The following PEDS1 variants were observed in gnomAD, a reference collection of about 807,000 sequenced individuals.
PEDS1 encodes the protein CarF homolog.
A neutral mutation model predicts 35.2 loss-of-function variants in PEDS1; 14 were observed. That is an observed-to-expected ratio of 0.40 (90% confidence interval 0.26 to 0.62). The LOEUF (loss-of-function observed/expected upper bound fraction) is 0.62, where lower values mean the gene tolerates loss of function less well. Among genes scored for constraint, PEDS1 ranks in the 20% least tolerant of loss-of-function variants. The probability of loss-of-function intolerance (pLI) is 0.44; values close to 1 mark genes in which losing one functional copy is unlikely to be tolerated. For missense variants in PEDS1, 260 were observed against 367.8 expected (o/e 0.71, Z 2.40); for synonymous variants, 152 against 152.0 (o/e 1.00, Z 0.00).
intron 1 of PEDS1, among the ~76,000 whole-genome samples, chr20:50,147,392 G>C (rs2081357145): frequency 6.6e-6 from 1 of 152,192 alleles, no homozygotes; most frequent in Non-Finnish European, 1.5e-5. Context: ...CCTTCCCTGG[G>C]GTCTCACACT....
intron 1 of PEDS1, chr20:50,151,276 T>G: frequency 7.7e-7 from 1 of 1,304,336 alleles, no homozygotes; most frequent in Non-Finnish European, 1.0e-6. Flanking sequence ...GTCTGCAGAC[T>G]CTGATTCAGG....
chr20:50,147,163 G>A (rs2081354892), intron 1 of PEDS1, among the ~76,000 whole-genome samples: 2 of 152,212 alleles, frequency 1.3e-5, no homozygotes, highest in South Asian at 2.1e-4. Context: ...CCTGTCATGC[G>A]CTGGGGTGTG....
chr20:50,127,256 T>C (rs1453622110), intron 5 of PEDS1, among the ~76,000 whole-genome samples: 1 of 151,966 alleles, frequency 6.6e-6, no homozygotes, highest in Non-Finnish European at 1.5e-5. Context: ...TTAGCACCAT[T>C]AGCCACGCTA....
At position 50,153,710 on chromosome 20, in the gene PEDS1, T is replaced by C. The variant is rs1436764318; in HGVS notation, c.-73A>G. Reference sequence around the variant, plus strand: ...GCAGGGCCGCGGAACCGCGGCGAGATCACGCCGCCCAATGACCGCCCAGCG... The same window carrying C: ...GCAGGGCCGCGGAACCGCGGCGAGACCACGCCGCCCAATGACCGCCCAGCG... On this transcript the variant is annotated 5_prime_UTR_variant, in exon 1 of 6. Coordinates refer to ENST00000371652, the MANE Select transcript of PEDS1 (RefSeq NM_199129.4). The C allele has an allele frequency of 7.8e-6, 9 of 1,152,488 alleles. No homozygotes were observed. The highest frequency in any genetic ancestry group is 9.6e-6 in the Non-Finnish European group (9 of 937,966). The allele number at this position is 1,152,488 out of a possible 1,614,324, so 71.4% of individuals were successfully genotyped here. A position where few individuals can be genotyped will look rare whatever the true frequency, so the allele number is the denominator to read the frequency against.
In PEDS1 at chr20:50,129,470, A is replaced by G; in HGVS notation, c.478+76T>C. ...AATACCATAAGGAGCCAAACACATA[A>G]GCCCCAGAAGGCTCCTGGGGGTCGG... is the stretch of plus-strand genomic sequence containing the variant. On this transcript the variant is annotated intron_variant, in intron 4 of 5. Coordinates refer to ENST00000371652, the MANE Select transcript of PEDS1 (RefSeq NM_199129.4). The surrounding 1 kb of genome is among the most constrained non-coding windows in gnomAD (Gnocchi z 4.2). The G allele has an allele frequency of 6.3e-7, 1 of 1,576,746 alleles. No homozygotes were observed. The highest frequency in any genetic ancestry group is 8.6e-7 in the Non-Finnish European group (1 of 1,161,270).
At position 50,121,214 on chromosome 20, in the gene PEDS1, C is replaced by T. The variant is rs978840512; in HGVS notation, c.*3844G>A. ...AGCAGCTGCCCTTTAGGCCTGATGT[C>T]TCCAGGTCATCCCAGTCCCCAGCGT... On this transcript the variant is annotated 3_prime_UTR_variant, in exon 6 of 6. Coordinates refer to ENST00000371652, the MANE Select transcript of PEDS1 (RefSeq NM_199129.4). 1 of 152,244 alleles carries T rather than the reference C, an allele frequency of 6.6e-6. No individual in the cohort carries two copies. The highest frequency in any genetic ancestry group is 1.5e-5 in the Non-Finnish European group (1 of 68,044). 9.4% of individuals were successfully genotyped at this position (152,244 alleles called of 1,614,324 possible).
At chr20:50,130,161 C>T (rs1601211143) in intron 3 of PEDS1, among the ~76,000 whole-genome samples, 1 of 152,212 alleles carries the variant, frequency 6.6e-6, no homozygotes, top group East Asian at 1.9e-4. Flanking sequence ...ATAGCATCTC[C>T]TCCCTCTAGC....
chr20:50,144,328 G>C (rs1166592848), intron 1 of PEDS1, among the ~76,000 whole-genome samples: 2 of 152,074 alleles, frequency 1.3e-5, no homozygotes, highest in Non-Finnish European at 2.9e-5. Context: ...GTCCCCTTTT[G>C]CAGGTAACTA....
At chr20:50,145,795 T>C (rs939962104) in intron 1 of PEDS1, among the ~76,000 whole-genome samples, 2 of 152,188 alleles carry the variant, frequency 1.3e-5, no homozygotes, top group African/African-American at 4.8e-5. Context: ...CAGAAGACCT[T>C]TAATGACAAC....
rs534294929 is a variant in PEDS1, at chr20:50,127,851, G to A, written c.691+124C>T. Reference sequence around the variant, plus strand: ...TAGGTGCTCAATAAATGCATGACCTGAGAGACTGTTCCCAGAGGGCAAGGA... The same window carrying A: ...TAGGTGCTCAATAAATGCATGACCTAAGAGACTGTTCCCAGAGGGCAAGGA... On this transcript the variant is annotated intron_variant, in intron 5 of 5. Coordinates refer to ENST00000371652, the MANE Select transcript of PEDS1 (RefSeq NM_199129.4). The A allele has an allele frequency of 7.1e-4, 959 of 1,342,812 alleles. 1 individual carries two copies. Among genetic ancestry groups the A allele is most frequent in the Non-Finnish European group, 9.4e-4 (922 of 975,944 alleles). The allele number at this position is 1,342,812 out of a possible 1,614,324, so 83.2% of individuals were successfully genotyped here. A position where few individuals can be genotyped will look rare whatever the true frequency, so the allele number is the denominator to read the frequency against.
chr20:50,124,934 T>C lies in PEDS1; in HGVS notation c.*124A>G. 18 of 1,366,188 alleles carry C rather than the reference T, an allele frequency of 1.3e-5. No homozygotes were observed. Among genetic ancestry groups the C allele is most frequent in the Non-Finnish European group, 1.8e-5 (18 of 995,690 alleles). The allele number at this position is 1,366,188 out of a possible 1,614,324, so 84.6% of individuals were successfully genotyped here. ...GTCATGAGGGGTGGGCTGGGGTACC[T>C]GGGCCCAGCCCAGGAGATGTCCTCT... is the stretch of plus-strand genomic sequence containing the variant. On this transcript the variant is annotated 3_prime_UTR_variant, in exon 6 of 6. Coordinates refer to ENST00000371652, the MANE Select transcript of PEDS1 (RefSeq NM_199129.4).
intron 1 of PEDS1, among the ~76,000 whole-genome samples, chr20:50,150,543 T>C (rs1258117745): frequency 6.6e-6 from 1 of 151,950 alleles, no homozygotes; most frequent in Non-Finnish European, 1.5e-5. Flanking sequence ...CACTGCCCCC[T>C]CCCTAAAATG....
At chr20:50,150,892 C>T (rs578206134) in intron 1 of PEDS1, among the ~76,000 whole-genome samples, 1 of 152,204 alleles carries the variant, frequency 6.6e-6, no homozygotes, top group Admixed American at 6.5e-5. Context: ...GTCGGGGTTT[C>T]GCCATGTTGG....
In PEDS1 at chr20:50,153,522, G is replaced by A; in HGVS notation, c.116C>T (p.Ser39Leu). The A allele has an allele frequency of 7.1e-7, 1 of 1,412,816 alleles. No homozygotes were observed. The highest frequency in any genetic ancestry group is 9.3e-7 in the Non-Finnish European group (1 of 1,076,716). The allele number at this position is 1,412,816 out of a possible 1,614,324, so 87.5% of individuals were successfully genotyped here. The change falls in exon 1 of 6, where the codon TCG (serine) becomes TTG (leucine). Residue 39 changes from serine (S) to leucine (L), a missense_variant. By Grantham distance (145) the Ser-to-Leu change is moderately radical. Around this residue, in one of 4 missense-constraint regions of PEDS1, gnomAD observed 114 missense variants for 121.6 expected, o/e 0.94. Transcript: ENST00000371652. ...AGARELAALY[S>L]PGKRLQEWCS... ...GGGGGGCCCAGAGGTCTTACCTGGC[G>A]AGTAGAGCGCAGCCAGCTCGCGGGC...
intron 2 of PEDS1, among the ~76,000 whole-genome samples, chr20:50,132,996 C>A (rs944993272): frequency 3.3e-5 from 5 of 152,126 alleles, no homozygotes; most frequent in Middle Eastern, 3.2e-3. Context: ...TTCAGACAAA[C>A]CCCTTCCCAG....
At chr20:50,151,538 C>T (rs2081403237) in intron 1 of PEDS1, among the ~76,000 whole-genome samples, 1 of 152,126 alleles carries the variant, frequency 6.6e-6, no homozygotes, top group Non-Finnish European at 1.5e-5. Context: ...GAGGCGGATC[C>T]CCCACAGCAA....
At chr20:50,148,174 C>T (rs944211240) in intron 1 of PEDS1, among the ~76,000 whole-genome samples, 1 of 152,218 alleles carries the variant, frequency 6.6e-6, no homozygotes, top group Non-Finnish European at 1.5e-5. Flanking sequence ...GATCTCAGCA[C>T]CCCTCACCAC....
rs2081082974 is a variant in PEDS1 at position 50,124,886 on chromosome 20, A to G, written c.*172T>C. The G allele has an allele frequency of 4.7e-6, 4 of 855,394 alleles. No homozygotes were observed. In the South Asian group the frequency reaches 7.6e-5, roughly 16 times the overall value. The allele number at this position is 855,394 out of a possible 1,614,324, so 53.0% of individuals were successfully genotyped here. ...GGAAAAAAAAAAAAAAGAAATGAAA[A>G]ATCAGTGGCTCAAGTATTCTGTGTC... On this transcript the variant is annotated 3_prime_UTR_variant, in exon 6 of 6. Coordinates refer to ENST00000371652, the MANE Select transcript of PEDS1 (RefSeq NM_199129.4).
intron 2 of PEDS1, 140 bp downstream of exon 2, chr20:50,143,362 T>A (rs994753058): frequency 7.2e-7 from 1 of 1,379,648 alleles, no homozygotes; most frequent in Non-Finnish European, 9.8e-7. Context: ...CTGACTGCAA[T>A]AGGGAGGTGG....
Sources: allele counts gnomAD v4.1 joint callset (sites outside exome capture counted in the v4.1 genomes callset), GRCh38; gene constraint gnomAD v4.1.1; regional missense constraint gnomAD v4.1.1; non-coding constraint Gnocchi (gnomAD v3.1); transcripts MANE v1.5; gene names NCBI Gene and HGNC (gene_info 2026-07-23, HGNC 2026-07-21).